ZFP2: variants seen among roughly 807,000 people sequenced by gnomAD.
ZFP2 encodes zinc finger protein ZFP2.
A neutral mutation model predicts 36.1 loss-of-function variants in ZFP2; 33 were observed. The ratio of observed to expected loss-of-function variants is 0.92; its 90% confidence interval spans 0.69 to 1.22. The LOEUF is 1.22. Ranked by LOEUF, ZFP2 falls within the 50% of genes most tolerant of loss-of-function variation. ZFP2 has a pLI of 0.00. For synonymous variants in ZFP2, 170 were observed against 178.0 expected (o/e 0.96, Z 0.36); for missense variants, 522 against 551.4 (o/e 0.95, Z 0.53).
intron 4 of ZFP2, among the ~76,000 whole-genome samples, chr5:178,930,297 CT>C (rs1034800435): frequency 1.7e-4 from 20 of 119,844 alleles, no homozygotes; most frequent in African/African-American, 5.0e-4. Flanking sequence ...ATATTTCTTT[CT>C]TTTTTTTTCC....
intron 4 of ZFP2, chr5:178,921,951 C>T (rs1758569636): frequency 1.9e-6 from 1 of 528,416 alleles, no homozygotes; most frequent in East Asian, 2.9e-5. Context: ...CTTTGTCTAA[C>T]TTCTTAAGGT....
chr5:178,920,631 C>T (rs749854723), intron 4 of ZFP2, among the ~76,000 whole-genome samples: 5 of 145,690 alleles, frequency 3.4e-5, no homozygotes, highest in Non-Finnish European at 6.0e-5. Context: ...AGTGAGACTT[C>T]GTCTCAAAAA....
intron 4 of ZFP2, among the ~76,000 whole-genome samples, chr5:178,923,340 T>A (rs940688174): frequency 1.3e-5 from 2 of 149,642 alleles, no homozygotes; most frequent in East Asian, 1.9e-4. Context: ...GCTTTCTGCC[T>A]CTATGAATTT....
intron 1 of ZFP2, chr5:178,910,389 C>G (rs1758268735): frequency 5.4e-6 from 5 of 922,368 alleles, no homozygotes; most frequent in Middle Eastern, 2.1e-4. Flanking sequence ...GTTGGACTCC[C>G]TCCCACCATC....
intron 1 of ZFP2, among the ~76,000 whole-genome samples, chr5:178,907,580 T>G (rs186160019): frequency 3.2e-4 from 49 of 151,524 alleles, no homozygotes; most frequent in Non-Finnish European, 5.6e-4. Context: ...CACTCCAGGC[T>G]TCTGCCTTTG....
intron 1 of ZFP2, among the ~76,000 whole-genome samples, chr5:178,899,660 C>G (rs1289740464): frequency 6.6e-6 from 1 of 152,016 alleles, no homozygotes; most frequent in African/African-American, 2.4e-5. Flanking sequence ...CAAAACTTTC[C>G]TAGGAAAAAG....
intron 4 of ZFP2, among the ~76,000 whole-genome samples, chr5:178,923,798 A>G (rs1223718933): frequency 6.7e-6 from 1 of 148,576 alleles, no homozygotes; most frequent in Non-Finnish European, 1.5e-5. Flanking sequence ...CTAACTTTTA[A>G]GTCTAAATTC....
intron 4 of ZFP2, among the ~76,000 whole-genome samples, chr5:178,921,794 C>T (rs1404486465): frequency 6.7e-6 from 1 of 149,268 alleles, no homozygotes; most frequent in Non-Finnish European, 1.5e-5. Flanking sequence ...TTCTCTTCCC[C>T]AATTCACCTG....
chr5:178,931,630 A>C lies in ZFP2; in HGVS notation c.317A>C (p.Gln106Pro). The C allele has an allele frequency of 1.2e-6, 2 of 1,614,208 alleles. No homozygotes were observed. Among genetic ancestry groups the C allele is most frequent in the Non-Finnish European group, 1.7e-6 (2 of 1,180,024 alleles). Residue 106 changes from glutamine to proline, a missense_variant, in exon 5 of 5, where the codon CAG (glutamine) becomes CCG (proline). By Grantham distance (76) the Gln-to-Pro change is moderately conservative (BLOSUM62 -1). Coordinates refer to ENST00000361362, the MANE Select transcript of ZFP2 (RefSeq NM_030613.4). ...GGAAAGAAGATCTATGAATGTAATCAGTGCAGCAAAACCTTCAGTCAGAGC... is the reference window on the plus strand; with the variant it reads ...GGAAAGAAGATCTATGAATGTAATCCGTGCAGCAAAACCTTCAGTCAGAGC... ...FVGKKIYECN[Q>P]CSKTFSQSSS...
chr5:178,903,906 G>A (rs1056541250), intron 1 of ZFP2, among the ~76,000 whole-genome samples: 17 of 152,248 alleles, frequency 1.1e-4, no homozygotes, highest in African/African-American at 3.4e-4. Context: ...CAGGAGAATC[G>A]GTTGAACCCG....
At chr5:178,920,682 C>G (rs1758542570) in intron 4 of ZFP2, among the ~76,000 whole-genome samples, 1 of 151,882 alleles carries the variant, frequency 6.6e-6, no homozygotes, top group Non-Finnish European at 1.5e-5. Context: ...AGAATTTCCA[C>G]TTAGTTCTTT....
At chr5:178,910,675 A>T (rs1758278457) in intron 1 of ZFP2, 4 of 348,754 alleles carry the variant, frequency 1.1e-5, no homozygotes, top group South Asian at 1.1e-4. Flanking sequence ...TGGCCCATGC[A>T]CCTCAACATG....
At chr5:178,927,628 C>T (rs1758706480) in intron 4 of ZFP2, among the ~76,000 whole-genome samples, 2 of 150,016 alleles carry the variant, frequency 1.3e-5, no homozygotes, top group African/African-American at 4.9e-5. Flanking sequence ...TCCTCAGTAG[C>T]TGGGATTACA....
At chr5:178,922,278 C>T in intron 4 of ZFP2, 1 of 971,062 alleles carries the variant, frequency 1.0e-6, no homozygotes, top group Non-Finnish European at 1.7e-6. Context: ...AAAATAAGTT[C>T]ATTATCATAC....
At chr5:178,897,645 T>C (rs1431046137) in intron 1 of ZFP2, among the ~76,000 whole-genome samples, 1 of 152,192 alleles carries the variant, frequency 6.6e-6, no homozygotes. Context: ...TTGAATGAAA[T>C]ATATATATAC....
intron 3 of ZFP2, 29 bp from the exon 4 acceptor site, chr5:178,916,536 T>A (rs1758435416): frequency 1.0e-6 from 1 of 985,234 alleles, no homozygotes; most frequent in Admixed American, 6.2e-5. Flanking sequence ...ACATGATGAT[T>A]TGCAAACTCC....
chr5:178,932,454 C>A lies in ZFP2; in HGVS notation c.1141C>A (p.Pro381Thr). The change falls in exon 5 of 5, where the codon CCT becomes ACT. Residue 381 changes from proline to threonine, a missense_variant. Transcript: ENST00000361362. ...TCAGGTCATTCACACTGGAGAGAAA[C>A]CTTATGAGTGCAATGAATGTGGAAA... ...VHQVIHTGEK[P>T]YECNECGKAF... 1 of 1,614,076 alleles carries A rather than the reference C, an allele frequency of 6.2e-7. No homozygotes were observed. The highest frequency in any genetic ancestry group is 1.1e-5 in the South Asian group (1 of 91,066).
At chr5:178,911,701 G>A (rs1310157104) in intron 1 of ZFP2, among the ~76,000 whole-genome samples, 1 of 152,210 alleles carries the variant, frequency 6.6e-6, no homozygotes, top group Admixed American at 6.5e-5. Context: ...TCAAGGGTCA[G>A]TTGTACTTTC....
intron 1 of ZFP2, among the ~76,000 whole-genome samples, chr5:178,899,251 A>G (rs1441458372): frequency 6.6e-6 from 1 of 152,202 alleles, no homozygotes; most frequent in Non-Finnish European, 1.5e-5. Flanking sequence ...CATGGTCATA[A>G]TAGGAATTAC....
Sources: allele counts gnomAD v4.1 joint callset (sites outside exome capture counted in the v4.1 genomes callset), GRCh38; gene constraint gnomAD v4.1.1; transcripts MANE v1.5; gene names NCBI Gene and HGNC (gene_info 2026-07-23, HGNC 2026-07-21).